Variants in SGCZ observed in about 807,000 individuals in gnomAD.
SGCZ encodes the protein zeta-sarcoglycan.
SGCZ carries 40 observed loss-of-function variants against 41.3 expected under a neutral mutation model. The observed-to-expected ratio is 0.97, with a 90% CI of 0.75 to 1.26. SGCZ has a LOEUF of 1.26. Ranked by LOEUF, SGCZ falls within the 50% of genes most tolerant of loss-of-function variation. The pLI, the probability that SGCZ is intolerant of heterozygous loss-of-function variation, is 0.00. For missense variants in SGCZ, 552 were observed against 369.8 expected (o/e 1.49, Z -4.04); for synonymous variants, 206 against 137.5 (o/e 1.50, Z -3.49).
intron 1 of SGCZ, among the ~76,000 whole-genome samples, chr8:15,008,548 G>GGAGGGAGA (rs1802692481): frequency 1.5e-5 from 1 of 64,764 alleles, no homozygotes; most frequent in Admixed American, 1.4e-4. Flanking sequence ...AGGAAGGGAG[G>GGAGGGAGA]GAGTGAGGGA....
intron 1 of SGCZ, among the ~76,000 whole-genome samples, chr8:14,608,568 C>T (rs1805827458): frequency 6.6e-6 from 1 of 151,974 alleles, no homozygotes; most frequent in South Asian, 2.1e-4. Flanking sequence ...CACTCATTAC[C>T]GTGGGGAAGG....
chr8:15,180,431 T>A (rs572457218), intron 1 of SGCZ, among the ~76,000 whole-genome samples: 1 of 152,336 alleles, frequency 6.6e-6, no homozygotes, highest in South Asian at 2.1e-4. Flanking sequence ...CAGTAACATG[T>A]CCTAAAAGGA....
At chr8:14,530,786 C>G (rs142029009) in intron 2 of SGCZ, among the ~76,000 whole-genome samples, 1 of 151,824 alleles carries the variant, frequency 6.6e-6, no homozygotes, top group South Asian at 2.1e-4. Flanking sequence ...AGCTCAAGTC[C>G]GACATGAGCC....
intron 1 of SGCZ, among the ~76,000 whole-genome samples, 188 bp downstream of exon 1, chr8:15,237,397 G>A (rs566725678): frequency 6.6e-6 from 1 of 152,318 alleles, no homozygotes; most frequent in South Asian, 2.1e-4. Context: ...CCTGGCTCGG[G>A]AGAACCACCC....
At chr8:14,184,309 T>G (rs1221508180) in intron 4 of SGCZ, among the ~76,000 whole-genome samples, 1 of 152,180 alleles carries the variant, frequency 6.6e-6, no homozygotes. Flanking sequence ...TCTTTATAAC[T>G]CATACACTTA....
chr8:14,164,340 C>A (rs964983662), intron 5 of SGCZ, among the ~76,000 whole-genome samples: 2 of 152,168 alleles, frequency 1.3e-5, no homozygotes, highest in South Asian at 4.2e-4. Flanking sequence ...CATTTTCTTC[C>A]CCCTGCCTCC....
intron 1 of SGCZ, among the ~76,000 whole-genome samples, chr8:15,194,791 C>T (rs1164674511): frequency 6.6e-6 from 1 of 151,782 alleles, no homozygotes; most frequent in Admixed American, 6.5e-5. Context: ...AGAAAGCAGC[C>T]CTGCTGAAAA....
At chr8:14,181,620 C>T (rs1804729690) in intron 4 of SGCZ, among the ~76,000 whole-genome samples, 1 of 152,176 alleles carries the variant, frequency 6.6e-6, no homozygotes, top group African/African-American at 2.4e-5. Context: ...GGTGGTTCCC[C>T]AATACTGTTC....
chr8:14,815,153 A>G (rs901698083), intron 1 of SGCZ, among the ~76,000 whole-genome samples: 4 of 152,104 alleles, frequency 2.6e-5, no homozygotes, highest in Admixed American at 2.6e-4. Flanking sequence ...TAGTAAGTGT[A>G]TGTTGAGAAG....
chr8:14,340,993 T>G (rs1478442438), intron 2 of SGCZ, among the ~76,000 whole-genome samples: 2 of 152,152 alleles, frequency 1.3e-5, no homozygotes. Flanking sequence ...TCTATTTCTC[T>G]GAACTGCTCG....
At chr8:15,037,741 C>T (rs974961532) in intron 1 of SGCZ, among the ~76,000 whole-genome samples, 4 of 152,202 alleles carry the variant, frequency 2.6e-5, no homozygotes, top group African/African-American at 9.6e-5. Context: ...AAAGACTCTA[C>T]CAAAAACTGT....
intron 6 of SGCZ, among the ~76,000 whole-genome samples, chr8:14,105,149 T>C (rs1802163318): frequency 6.6e-6 from 1 of 152,094 alleles, no homozygotes; most frequent in South Asian, 2.1e-4. Flanking sequence ...TATAGACTCC[T>C]AGTACAAAAC....
rs4831304 is a variant in SGCZ, at chr8:14,703,285, C to G, written c.40-148359G>C. ...CAACCCCTTTGCTCACTCTTCTTGT[C>G]TACACTGACATCCTGTTGCTTCCTG... is the stretch of plus-strand genomic sequence containing the variant. On this transcript the variant is annotated intron_variant, in intron 1 of 7. Coordinates refer to ENST00000382080, the MANE Select transcript of SGCZ (RefSeq NM_139167.4). Among the ~76,000 whole-genome samples the G allele has an allele frequency of 1.6e-3, 238 of 151,814 alleles. 1 individual carries two copies. The highest frequency in any genetic ancestry group is 2.3e-3 in the Non-Finnish European group (158 of 67,860).
In SGCZ at chr8:14,253,086, G is replaced by C. The variant is rs558194043; in HGVS notation, c.337-15407C>G. Among the ~76,000 whole-genome samples, 25 of 152,216 alleles carry C rather than the reference G, an allele frequency of 1.6e-4. No individual in the cohort carries two copies. The South Asian group carries it at 5.2e-3, about 32-fold the overall frequency. On this transcript the variant is annotated intron_variant, in intron 3 of 7. Transcript: ENST00000382080. ...GAAAAATAAATAAAAGAAGGCTAGA[G>C]TATGGAGGTAAGGGTTGAGAAGAAG...
chr8:15,183,270 T>TTTTC (rs1800231995), intron 1 of SGCZ, among the ~76,000 whole-genome samples: 1 of 152,230 alleles, frequency 6.6e-6, no homozygotes, highest in Admixed American at 6.5e-5. Context: ...CTGTACATAA[T>TTTTC]TTTCTATGCT....
intron 1 of SGCZ, among the ~76,000 whole-genome samples, chr8:14,702,840 G>GATAC (rs1233461346): frequency 1.0e-5 from 1 of 96,482 alleles, no homozygotes; most frequent in African/African-American, 3.4e-5. Flanking sequence ...TAGATAGATA[G>GATAC]ATAGATAGAT....
chr8:14,497,202 C>G (rs369003614), intron 2 of SGCZ, among the ~76,000 whole-genome samples: 40 of 152,236 alleles, frequency 2.6e-4, no homozygotes, highest in African/African-American at 9.1e-4. Flanking sequence ...AGAGGTTTAT[C>G]TTGGCTCACG....
intron 1 of SGCZ, among the ~76,000 whole-genome samples, chr8:15,049,172 C>A (rs1296078286): frequency 6.6e-6 from 1 of 152,080 alleles, no homozygotes; most frequent in Non-Finnish European, 1.5e-5. Context: ...CAGAGAATAA[C>A]TGGAAGGAGA....
At chr8:14,784,919 T>TAA in intron 1 of SGCZ, among the ~76,000 whole-genome samples, 1 of 48,040 alleles carries the variant, frequency 2.1e-5, no homozygotes, top group East Asian at 9.4e-4. Context: ...AAAAAATATA[T>TAA]ATATATATAT....
Sources: allele counts gnomAD v4.1 joint callset (sites outside exome capture counted in the v4.1 genomes callset), GRCh38; gene constraint gnomAD v4.1.1; transcripts MANE v1.5; gene names NCBI Gene and HGNC (gene_info 2026-07-23, HGNC 2026-07-21).